SGCD: variants seen among roughly 807,000 people sequenced by gnomAD.
The protein encoded by SGCD is delta-sarcoglycan.
Under a neutral mutation model 36.6 loss-of-function variants are expected in SGCD, and 18 were observed. That is an observed-to-expected ratio of 0.49 (90% CI 0.34 to 0.73). The LOEUF is 0.73. Among genes scored for constraint, SGCD ranks in the 30% least tolerant of loss-of-function variants. The pLI is 0.01. For missense variants in SGCD, 387 were observed against 346.7 expected (o/e 1.12, Z -0.92); for synonymous variants, 133 against 130.6 (o/e 1.02, Z -0.12).
chr5:155,877,163 G>GC (rs1369089461), intron 1 of SGCD, among the ~76,000 whole-genome samples: 1 of 152,100 alleles, frequency 6.6e-6, no homozygotes, highest in African/African-American at 2.4e-5. Flanking sequence ...GGTGGTAGCT[G>GC]TTTGTGCTAG....
intron 4 of SGCD, among the ~76,000 whole-genome samples, chr5:156,547,063 T>C (rs1020565252): frequency 6.6e-6 from 1 of 152,222 alleles, no homozygotes; most frequent in African/African-American, 2.4e-5. Context: ...GAAGTAGTTG[T>C]ATTTGTTTGT....
chr5:155,833,551 T>G, the SGCD span, among the ~76,000 whole-genome samples: 1 of 152,202 alleles, frequency 6.6e-6, no homozygotes, highest in African/African-American at 2.4e-5. Flanking sequence ...GCATCACAGC[T>G]GGCTACTTGG....
At chr5:156,558,934 G>A (rs941197051) in intron 4 of SGCD, among the ~76,000 whole-genome samples, 5 of 152,156 alleles carry the variant, frequency 3.3e-5, no homozygotes, top group Non-Finnish European at 5.9e-5. Context: ...AGTAACATGT[G>A]ATTAACAGGA....
the SGCD span, among the ~76,000 whole-genome samples, chr5:155,801,623 G>T: frequency 7.9e-5 from 12 of 152,132 alleles, no homozygotes; most frequent in Admixed American, 5.9e-4. Flanking sequence ...GAGAACAAAT[G>T]GTGTAGGTGG....
chr5:156,704,000 G>A, intron 7 of SGCD: 1 of 152,188 alleles, frequency 6.6e-6, no homozygotes, highest in Non-Finnish European at 1.5e-5. Flanking sequence ...CTGGTTGCAA[G>A]TGAAGGAACA....
intron 1 of SGCD, among the ~76,000 whole-genome samples, chr5:156,070,480 C>T (rs1760511805): frequency 6.7e-6 from 1 of 149,606 alleles, no homozygotes; most frequent in African/African-American, 2.6e-5. Context: ...AGGGATGAAG[C>T]CCACTTGATC....
At chr5:156,408,924 AG>A (rs1772586455) in intron 3 of SGCD, among the ~76,000 whole-genome samples, 1 of 152,164 alleles carries the variant, frequency 6.6e-6, no homozygotes, top group Non-Finnish European at 1.5e-5. Context: ...GGGGGGTAAT[AG>A]CCCCTCTTTG....
the SGCD span, among the ~76,000 whole-genome samples, chr5:155,845,774 T>C: frequency 6.6e-6 from 1 of 152,178 alleles, no homozygotes; most frequent in East Asian, 1.9e-4. Context: ...TAGGAGTCTC[T>C]GGCAAAACTA....
At chr5:156,564,046 C>T (rs1315140986) in intron 4 of SGCD, among the ~76,000 whole-genome samples, 2 of 152,126 alleles carry the variant, frequency 1.3e-5, no homozygotes, top group Non-Finnish European at 2.9e-5. Context: ...GGAAATCAGT[C>T]GGTCAGTTGG....
chr5:156,530,781 TG>T (rs1223784864), intron 4 of SGCD, among the ~76,000 whole-genome samples: 3 of 152,132 alleles, frequency 2.0e-5, no homozygotes, highest in Non-Finnish European at 2.9e-5. Context: ...GGTTTCCCCA[TG>T]TTGGCCAGAC....
chr5:155,918,903 G>T (rs1260960124), intron 1 of SGCD, among the ~76,000 whole-genome samples: 2 of 152,164 alleles, frequency 1.3e-5, no homozygotes, highest in African/African-American at 4.8e-5. Flanking sequence ...ATCTGCTTCT[G>T]ACCTCTTTCC....
intron 3 of SGCD, among the ~76,000 whole-genome samples, chr5:156,176,070 T>C (rs1344274255): frequency 6.6e-6 from 1 of 152,068 alleles, no homozygotes; most frequent in Non-Finnish European, 1.5e-5. Flanking sequence ...TCAAAGTTTC[T>C]CTTGGTTTTA....
chr5:156,594,346 A>G (rs951116848), intron 5 of SGCD, among the ~76,000 whole-genome samples: 13 of 152,188 alleles, frequency 8.5e-5, no homozygotes, highest in Non-Finnish European at 1.6e-4. Flanking sequence ...TTTTCACTGA[A>G]CAAAATCCTA....
chr5:155,876,603 C>T (rs886145070), intron 1 of SGCD, among the ~76,000 whole-genome samples: 5 of 151,998 alleles, frequency 3.3e-5, no homozygotes, highest in Non-Finnish European at 7.4e-5. Flanking sequence ...GTTATAGTGT[C>T]TTCATCTAAA....
At chr5:156,519,509 C>T (rs192307709) in intron 4 of SGCD, among the ~76,000 whole-genome samples, 29 of 152,190 alleles carry the variant, frequency 1.9e-4, no homozygotes, top group Admixed American at 1.4e-3. Flanking sequence ...TCTTCCCTAA[C>T]GCATTTTATG....
intron 1 of SGCD, among the ~76,000 whole-genome samples, chr5:155,872,948 C>T (rs1248533800): frequency 1.3e-5 from 2 of 152,172 alleles, no homozygotes; most frequent in Non-Finnish European, 2.9e-5. Flanking sequence ...GCTAGGGCAT[C>T]TTTCTCAAAA....
At position 156,589,294 on chromosome 5, in the gene SGCD, A is replaced by G. The variant is rs956992133; in HGVS notation, c.358A>G (p.Lys120Glu). 3 of 1,572,354 alleles carry G rather than the reference A, an allele frequency of 1.9e-6. No homozygotes were observed. The highest frequency in any genetic ancestry group is 1.9e-5 in the Admixed American group (1 of 53,618). Residue 120 changes from lysine to glutamate, a missense_variant, in exon 5 of 9, where the codon AAA (lysine) becomes GAA (glutamate). Physicochemically the swap from Lys to Glu is moderately conservative, Grantham distance 56. Coordinates refer to ENST00000337851, the MANE Select transcript of SGCD (RefSeq NM_000337.6). ...VTVNILNDQT[K>E]VLTQLITGPK... ...AGTGAACATTCTCAATGACCAGACT[A>G]AAGTGCTAACTCAGCTTATAACAGG...
intron 3 of SGCD, among the ~76,000 whole-genome samples, chr5:156,379,301 A>G (rs1463818225): frequency 6.6e-6 from 1 of 152,184 alleles, no homozygotes; most frequent in Non-Finnish European, 1.5e-5. Flanking sequence ...GAAAGTTTAG[A>G]TAGTCCAAGA....
intron 1 of SGCD, among the ~76,000 whole-genome samples, chr5:155,992,263 T>C (rs1758446436): frequency 6.6e-6 from 1 of 152,192 alleles, no homozygotes; most frequent in African/African-American, 2.4e-5. Context: ...CTAGAGAATT[T>C]ATCCTTCTGA....
Sources: gnomAD v4.1 joint callset for allele counts (sites outside exome capture counted in the v4.1 genomes callset) on GRCh38, gnomAD v4.1.1 for gene constraint, MANE v1.5 for transcripts, NCBI Gene and HGNC (gene_info 2026-07-23, HGNC 2026-07-21) for gene names.